ANKDD1A: variants seen among roughly 807,000 people sequenced by gnomAD.
The protein encoded by ANKDD1A is ankyrin repeat and death domain containing 1A.
In ANKDD1A, 59 loss-of-function variants were observed where a neutral mutation model predicts 63.5. That is an observed-to-expected ratio of 0.93 (90% CI 0.75 to 1.15). The LOEUF (loss-of-function observed/expected upper bound fraction) is 1.15, where lower values mean the gene tolerates loss of function less well. Among genes scored for constraint, ANKDD1A ranks in the 50% most tolerant of loss-of-function variants. The pLI is 0.00. For missense variants in ANKDD1A, 632 were observed against 656.4 expected (o/e 0.96, Z 0.41); for synonymous variants, 266 against 263.9 (o/e 1.01, Z -0.08).
intron 1 of ANKDD1A, among the ~76,000 whole-genome samples, chr15:64,915,271 C>T (rs1190635093): frequency 1.3e-5 from 2 of 152,206 alleles, no homozygotes; most frequent in East Asian, 1.9e-4. Context: ...CGCCACTGCA[C>T]TCCAGCCTGG....
intron 6 of ANKDD1A, among the ~76,000 whole-genome samples, 160 bp downstream of exon 6, chr15:64,927,159 T>A (rs1484246309): frequency 6.6e-6 from 1 of 152,250 alleles, no homozygotes; most frequent in Non-Finnish European, 1.5e-5. Context: ...AGCAGGCCCT[T>A]CACCAGCGTG....
Position 64,957,220 on chromosome 15 carries a change from G to T in ANKDD1A, c.*32G>T. Reference sequence around the variant, plus strand: ...TTACAGGTGCATGCCATCACAGCTGGCTAATTTTTGTATTTTTAGTAGAGA... The same window carrying T: ...TTACAGGTGCATGCCATCACAGCTGTCTAATTTTTGTATTTTTAGTAGAGA... On this transcript the variant is annotated 3_prime_UTR_variant, in exon 15 of 15. Coordinates refer to ENST00000319580, the MANE Select transcript of ANKDD1A (RefSeq NM_182703.6). 1 of 325,522 alleles carries T rather than the reference G, an allele frequency of 3.1e-6. No individual in the cohort carries two copies. Among genetic ancestry groups the T allele is most frequent in the South Asian group, 2.2e-5 (1 of 45,644 alleles). The allele number at this position is 325,522 out of a possible 1,614,324, so 20.2% of individuals were successfully genotyped here.
At chr15:64,935,876 G>A (rs561031236) in intron 9 of ANKDD1A, among the ~76,000 whole-genome samples, 1 of 152,092 alleles carries the variant, frequency 6.6e-6, no homozygotes, top group East Asian at 1.9e-4. Flanking sequence ...AGTTTCAAAT[G>A]GTGACTATCT....
At chr15:64,954,469 CTTCCTCTTT>C (rs1566918796) in intron 14 of ANKDD1A, among the ~76,000 whole-genome samples, 1 of 69,980 alleles carries the variant, frequency 1.4e-5, no homozygotes, top group African/African-American at 3.8e-5. Context: ...TCTTCTCCTT[CTTCCTCTTT>C]TTCTTCTTCC....
At chr15:64,956,956 A>C (rs866372355) in intron 14 of ANKDD1A, 147 bp from the exon 15 acceptor site, 1 of 346,988 alleles carries the variant, frequency 2.9e-6, no homozygotes, top group South Asian at 2.1e-5. Context: ...CCTACCACTA[A>C]GTTATATTTA....
intron 12 of ANKDD1A, among the ~76,000 whole-genome samples, chr15:64,945,605 A>AATATATATATATATATAT (rs2085215731): frequency 5.2e-4 from 2 of 3,818 alleles, no homozygotes; most frequent in African/African-American, 7.4e-4. Context: ...ATGCATTTTC[A>AATATATATATATATATAT]ACATATATAT....
At chr15:64,954,633 T>C (rs895242554) in intron 14 of ANKDD1A, among the ~76,000 whole-genome samples, 2 of 142,964 alleles carry the variant, frequency 1.4e-5, no homozygotes, top group African/African-American at 2.6e-5. Flanking sequence ...TCTTCTTCCT[T>C]TTCTTCTTCC....
chr15:64,950,298 G>A (rs2085259379), intron 14 of ANKDD1A: 1 of 985,150 alleles, frequency 1.0e-6, no homozygotes. Context: ...AATAAGCCTG[G>A]AACCACCTCC....
Position 64,949,827 on chromosome 15 carries a change from C to T in ANKDD1A, c.1352-14C>T. ...CTCCTTCTCCCTCTCTCTCTCCTCC[C>T]TCACTGTTCTCAGGCACCAGGAGCT... On this transcript the variant is annotated splice_polypyrimidine_tract_variant and intron_variant, in intron 13 of 14. Transcript: ENST00000319580. 2.5e-6 allele frequency: 4 copies of T among 1,599,512 alleles called. No homozygotes were observed. Among genetic ancestry groups the T allele is most frequent in the Non-Finnish European group, 3.4e-6 (4 of 1,178,966 alleles).
At chr15:64,921,888 T>G (rs1334525021) in intron 3 of ANKDD1A, 33 bp from the exon 4 acceptor site, 1 of 1,602,782 alleles carries the variant, frequency 6.2e-7, no homozygotes, top group Non-Finnish European at 8.5e-7. Flanking sequence ...CCTTCCCACA[T>G]TCTTCTCACC....
intron 14 of ANKDD1A, among the ~76,000 whole-genome samples, chr15:64,955,480 C>T (rs981311206): frequency 2.0e-5 from 3 of 152,092 alleles, no homozygotes; most frequent in Non-Finnish European, 4.4e-5. Flanking sequence ...TTTGAGGTGC[C>T]AGGCAAGCAC....
chr15:64,940,681 G>A (rs973243150), intron 9 of ANKDD1A, among the ~76,000 whole-genome samples: 8 of 151,532 alleles, frequency 5.3e-5, no homozygotes, highest in African/African-American at 1.9e-4. Context: ...CTCGTGATCC[G>A]CCCACCTCGG....
At chr15:64,953,809 T>TC (rs1566917936) in intron 14 of ANKDD1A, among the ~76,000 whole-genome samples, 1 of 142,482 alleles carries the variant, frequency 7.0e-6, no homozygotes, top group Non-Finnish European at 1.5e-5. Flanking sequence ...TTCCTTTTTT[T>TC]CTTCTTCCTT....
At chr15:64,926,551 C>T (rs906226505) in intron 5 of ANKDD1A, among the ~76,000 whole-genome samples, 6 of 151,992 alleles carry the variant, frequency 3.9e-5, no homozygotes, top group African/African-American at 1.2e-4. Flanking sequence ...GGAAAGGGCT[C>T]TAGTGTGAGT....
intron 4 of ANKDD1A, among the ~76,000 whole-genome samples, chr15:64,924,782 C>T (rs2085033593): frequency 6.6e-6 from 1 of 152,070 alleles, no homozygotes; most frequent in African/African-American, 2.4e-5. Flanking sequence ...GAGTAGTAGC[C>T]AAGTATTTTG....
At chr15:64,913,989 TTTTC>T (rs2084951379) in intron 1 of ANKDD1A, 1 of 96,214 alleles carries the variant, frequency 1.0e-5, no homozygotes. Context: ...TTTGTTTCTG[TTTTC>T]TTTTTTTTTT....
rs1419332895 is a variant in ANKDD1A at position 64,958,249 on chromosome 15, A to T, written c.*1061A>T. The T allele has an allele frequency of 2.0e-5, 3 of 152,260 alleles. No individual in the cohort carries two copies. 9.4% of individuals were successfully genotyped at this position (152,260 alleles called of 1,614,324 possible). A position where few individuals can be genotyped will look rare whatever the true frequency, so the allele number is the denominator to read the frequency against. On this transcript the variant is annotated 3_prime_UTR_variant, in exon 15 of 15. Transcript: ENST00000319580. ...ATGACACTGTGATGGTGGGTACATG[A>T]CATTGGGCATTGGTCAAAACCCATA...
intron 6 of ANKDD1A, among the ~76,000 whole-genome samples, chr15:64,927,602 CTTTTT>C (rs5813333): frequency 1.5e-5 from 2 of 130,640 alleles, no homozygotes; most frequent in Non-Finnish European, 3.2e-5. Flanking sequence ...AGCAAATTCC[CTTTTT>C]TTTTTTTTTT....
At chr15:64,944,807 T>G in intron 12 of ANKDD1A, 60 bp downstream of exon 12, 12 of 1,578,078 alleles carry the variant, frequency 7.6e-6, no homozygotes, top group Non-Finnish European at 1.0e-5. Flanking sequence ...TGGCTCCAGA[T>G]GGAGCTGGCT....
Sources: allele counts gnomAD v4.1 joint callset (sites outside exome capture counted in the v4.1 genomes callset), GRCh38; gene constraint gnomAD v4.1.1; transcripts MANE v1.5; gene names NCBI Gene and HGNC (gene_info 2026-07-23, HGNC 2026-07-21).